Variants in TMEM120B observed in about 807,000 individuals in gnomAD.
TMEM120B encodes the protein transmembrane protein 120B.
In TMEM120B, 31 loss-of-function variants were observed where a neutral mutation model predicts 55.5. The ratio of observed to expected loss-of-function variants is 0.56; its 90% CI spans 0.42 to 0.75. TMEM120B has a LOEUF of 0.75. Ranked by LOEUF, TMEM120B falls within the 30% of genes least tolerant of loss-of-function variation. The pLI, the probability that TMEM120B is intolerant of heterozygous loss-of-function variation, is 0.00. For missense variants in TMEM120B, 399 were observed against 425.5 expected, an observed-to-expected ratio of 0.94 and a Z score of 0.55; for synonymous variants, 203 against 176.3, an observed-to-expected ratio of 1.15 and a Z score of -1.20.
At position 121,750,055 on chromosome 12, in the gene TMEM120B, G is replaced by A. The variant is rs1332171884; in HGVS notation, c.306-325G>A. Among the ~76,000 whole-genome samples the A allele has an allele frequency of 2.6e-5, 4 of 151,826 alleles. No individual in the cohort carries two copies. The East Asian group carries it at 7.7e-4, about 29-fold the overall frequency. On this transcript the variant is annotated intron_variant, in intron 3 of 11. Transcript: ENST00000449592. Reference sequence around the variant, plus strand: ...AAATAAAGAAAATTCTTTAAAAATTGACCTAGAGGTTGTACCTTTGCCTCC... The same window carrying A: ...AAATAAAGAAAATTCTTTAAAAATTAACCTAGAGGTTGTACCTTTGCCTCC...
At chr12:121,765,971 G>A (rs932905330) in intron 6 of TMEM120B, among the ~76,000 whole-genome samples, 1 of 152,092 alleles carries the variant, frequency 6.6e-6, no homozygotes, top group African/African-American at 2.4e-5. Context: ...CCACTCACTC[G>A]GGGCTGGTGC....
intron 2 of TMEM120B, among the ~76,000 whole-genome samples, chr12:121,746,325 T>A (rs1365013855): frequency 1.3e-5 from 2 of 151,902 alleles, no homozygotes; most frequent in Non-Finnish European, 2.9e-5. Context: ...GTAGCTGGGA[T>A]TACAGGCATG....
In TMEM120B at chr12:121,779,584, C is replaced by T. The variant is rs750750537; in HGVS notation, c.*3862C>T. Reference sequence around the variant, plus strand: ...GCCACCTTGGCGGCCTCCCGGAAGACGTCCTCCACATTCTCCCGAAACTTG... The same window carrying T: ...GCCACCTTGGCGGCCTCCCGGAAGATGTCCTCCACATTCTCCCGAAACTTG... On this transcript the variant is annotated 3_prime_UTR_variant, in exon 12 of 12. Transcript: ENST00000449592. The T allele has an allele frequency of 5.0e-6, 8 of 1,614,102 alleles. No individual in the cohort carries two copies. The Admixed American group carries it at 5.0e-5, about 10-fold the overall frequency.
At chr12:121,752,103 C>T (rs755638377) in intron 4 of TMEM120B, 25 bp from the exon 5 acceptor site, 1 of 1,605,880 alleles carries the variant, frequency 6.2e-7, no homozygotes, top group South Asian at 1.1e-5. Context: ...AAGGGGCACA[C>T]CCCTGGGCGT....
At chr12:121,738,492 C>G (rs1308904528) in intron 1 of TMEM120B, among the ~76,000 whole-genome samples, 3 of 152,144 alleles carry the variant, frequency 2.0e-5, no homozygotes, top group Non-Finnish European at 4.4e-5. Context: ...GGCCAGGGCC[C>G]CGTCTTCCCC....
At chr12:121,729,663 G>T (rs1319323639) in intron 1 of TMEM120B, among the ~76,000 whole-genome samples, 1 of 151,958 alleles carries the variant, frequency 6.6e-6, no homozygotes, top group Non-Finnish European at 1.5e-5. Context: ...AGCTGACAGG[G>T]TGGCACATGC....
At chr12:121,730,730 G>A (rs940913713) in intron 1 of TMEM120B, among the ~76,000 whole-genome samples, 2 of 151,354 alleles carry the variant, frequency 1.3e-5, no homozygotes, top group African/African-American at 4.9e-5. Flanking sequence ...GGCTGAGGCG[G>A]GTGGATCACC....
intron 4 of TMEM120B, among the ~76,000 whole-genome samples, chr12:121,750,903 ACACCC>A (rs1873282954): frequency 2.9e-5 from 1 of 34,594 alleles, no homozygotes; most frequent in Non-Finnish European, 5.7e-5. Context: ...TCCCACACCC[ACACCC>A]CACACCCCAC....
At chr12:121,750,534 A>G (rs911180960) in intron 4 of TMEM120B, 95 bp downstream of exon 4, 13 of 824,500 alleles carry the variant, frequency 1.6e-5, no homozygotes, top group Non-Finnish European at 2.4e-5. Context: ...CCCACACCCC[A>G]CATCCACACC....
chr12:121,752,274 G>T, intron 5 of TMEM120B, 51 bp downstream of exon 5: 1 of 1,528,934 alleles, frequency 6.5e-7, no homozygotes, highest in Non-Finnish European at 9.1e-7. Context: ...GACGTCAGGT[G>T]GGGGCCGGGA....
In TMEM120B at chr12:121,775,860, A is replaced by G. The variant is rs749560683; in HGVS notation, c.*138A>G. On this transcript the variant is annotated 3_prime_UTR_variant, in exon 12 of 12. Coordinates refer to ENST00000449592, the MANE Select transcript of TMEM120B (RefSeq NM_001080825.2). The surrounding 1 kb of genome is among the most constrained non-coding windows in gnomAD (Gnocchi z 4.3). ...GTCCCCCAGTGGACCCCAGTGGTCT[A>G]GAGGAATGTGAGCCCCGCCTGTCCG... The G allele has an allele frequency of 2.8e-5, 25 of 884,030 alleles. No individual in the cohort carries two copies. In the Admixed American group the frequency reaches 5.3e-4, roughly 19 times the overall value. 54.8% of individuals were successfully genotyped at this position (884,030 alleles called of 1,614,324 possible). A position where few individuals can be genotyped will look rare whatever the true frequency, so the allele number is the denominator to read the frequency against.
chr12:121,736,570 G>A (rs780501296), intron 1 of TMEM120B, among the ~76,000 whole-genome samples: 4 of 145,198 alleles, frequency 2.8e-5, no homozygotes, highest in Non-Finnish European at 6.0e-5. Context: ...TTCTTTTTGA[G>A]ACAGAGTCTC....
At chr12:121,735,915 C>T (rs567815753) in intron 1 of TMEM120B, among the ~76,000 whole-genome samples, 46 of 152,032 alleles carry the variant, frequency 3.0e-4, no homozygotes, top group Non-Finnish European at 5.6e-4. Context: ...TGGTCTTGAA[C>T]CCCTGACCTC....
chr12:121,756,529 C>T (rs1401517605), intron 5 of TMEM120B, among the ~76,000 whole-genome samples: 1 of 152,170 alleles, frequency 6.6e-6, no homozygotes, highest in Non-Finnish European at 1.5e-5. Flanking sequence ...GTCCCATGTA[C>T]CTCCCAGTGT....
At chr12:121,750,893 TCCCACA>T (rs1873280550) in intron 4 of TMEM120B, among the ~76,000 whole-genome samples, 1 of 8,484 alleles carries the variant, frequency 1.2e-4, no homozygotes, top group South Asian at 4.4e-3. Flanking sequence ...ACACCCCACA[TCCCACA>T]CCCACACCCC....
chr12:121,725,105 C>G (rs1894869025), intron 1 of TMEM120B, among the ~76,000 whole-genome samples: 1 of 151,886 alleles, frequency 6.6e-6, no homozygotes, highest in Admixed American at 6.6e-5. Flanking sequence ...TACCCTTTTT[C>G]CCCTTTGTTC....
chr12:121,752,876 G>T (rs1046296516), intron 5 of TMEM120B, among the ~76,000 whole-genome samples: 1 of 152,174 alleles, frequency 6.6e-6, no homozygotes, highest in Non-Finnish European at 1.5e-5. Flanking sequence ...GAGGCAGGAG[G>T]ACTACTCGAG....
intron 6 of TMEM120B, among the ~76,000 whole-genome samples, chr12:121,762,358 T>C (rs1392586677): frequency 6.6e-6 from 1 of 152,054 alleles, no homozygotes; most frequent in Non-Finnish European, 1.5e-5. Context: ...TTCTGCCTTC[T>C]GTGTTGTGTT....
chr12:121,775,610 T>G lies in TMEM120B; in HGVS notation c.908T>G (p.Val303Gly). The change falls in exon 12 of 12, where the codon GTG (valine) becomes GGG (glycine). Residue 303 changes from valine to glycine, a missense_variant and splice_region_variant. This residue lies in a region of TMEM120B where 260 missense variants were observed against 303.9 expected (regional missense o/e 0.86). Transcript: ENST00000449592. The surrounding 1 kb of genome is among the most constrained non-coding windows in gnomAD (Gnocchi z 4.3). The part of the protein sequence containing the change: ...SSHEECREWQ[V>G]FVLAFTFLIL... ...GCCCTCCTCTCTGGACTCCCCCAGGTGTTCGTACTGGCGTTCACCTTCCTC... is the reference window on the plus strand; with the variant it reads ...GCCCTCCTCTCTGGACTCCCCCAGGGGTTCGTACTGGCGTTCACCTTCCTC... 6.2e-7 allele frequency: 1 copy of G among 1,613,342 alleles called. No individual in the cohort carries two copies. Among genetic ancestry groups the G allele is most frequent in the Non-Finnish European group, 8.5e-7 (1 of 1,179,582 alleles).
Sources: allele counts gnomAD v4.1 joint callset (sites outside exome capture counted in the v4.1 genomes callset), GRCh38; gene constraint gnomAD v4.1.1; regional missense constraint gnomAD v4.1.1; non-coding constraint Gnocchi (gnomAD v3.1); transcripts MANE v1.5; gene names NCBI Gene and HGNC (gene_info 2026-07-23, HGNC 2026-07-21).